The following NLGN3 variants were observed in gnomAD, a reference collection of about 807,000 sequenced individuals.
NLGN3 encodes neuroligin-3.
In NLGN3, 11 loss-of-function variants were observed where a neutral mutation model predicts 42.9. The observed-to-expected ratio is 0.26, with a 90% confidence interval of 0.16 to 0.42. NLGN3 has a LOEUF of 0.42. NLGN3 is among the 10% of genes least tolerant of loss of function. NLGN3 has a pLI of 1.00. For synonymous variants in NLGN3, 279 were observed against 312.7 expected, an observed-to-expected ratio of 0.89 and a Z score of 1.14; for missense variants, 374 against 733.8, an observed-to-expected ratio of 0.51 and a Z score of 5.67.
intron 1 of NLGN3, among the ~76,000 whole-genome samples, chrX:71,146,172 GACACACACACAC>G (rs1168453634): frequency 6.5e-4 from 25 of 38,203 alleles, no homozygotes; most frequent in South Asian, 2.3e-3. Context: ...CACACACACA[GACACACACACAC>G]ACACACACAC....
At chrX:71,150,709 AAAAAAAAAAAAAAG>A (rs1371924871) in intron 3 of NLGN3, among the ~76,000 whole-genome samples, 2 of 107,659 alleles carry the variant, frequency 1.9e-5, no homozygotes, top group Non-Finnish European at 3.8e-5. Flanking sequence ...CTCAAAAAAA[AAAAAAAAAAAAAAG>A]AAAGAAAAGA....
chrX:71,156,113 ACC>A (rs770921399), intron 5 of NLGN3, among the ~76,000 whole-genome samples: 32 of 107,854 alleles, frequency 3.0e-4, no homozygotes, highest in Non-Finnish European at 2.3e-4. Context: ...CTCACACTTT[ACC>A]CCCATATTTA....
At chrX:71,174,458 T>A (rs770692710), downstream of NLGN3, among the ~76,000 whole-genome samples, 2 of 112,028 alleles carry the variant, frequency 1.8e-5, no homozygotes, top group African/African-American at 6.5e-5. Context: ...ACATTTGATA[T>A]TGATTGAGGG....
At chrX:71,171,527 G>GC, downstream of NLGN3, 1 of 166,583 alleles carries the variant, frequency 6.0e-6, no homozygotes, top group Non-Finnish European at 9.8e-6. Flanking sequence ...CACCGCTGCG[G>GC]CCTCCTCCTC....
chrX:71,164,838 G>A (rs1424562672), intron 6 of NLGN3, among the ~76,000 whole-genome samples: 2 of 111,198 alleles, frequency 1.8e-5, no homozygotes, highest in Non-Finnish European at 3.8e-5. Flanking sequence ...TCCATAGGAC[G>A]ATGGTCTATT....
intron 5 of NLGN3, among the ~76,000 whole-genome samples, chrX:71,160,655 G>A (rs1461536199): frequency 2.7e-5 from 3 of 112,364 alleles, no homozygotes; most frequent in Non-Finnish European, 3.8e-5. Flanking sequence ...ACAAAGAAAG[G>A]GACTCCAGCA....
chrX:71,167,832 G>C, intron 7 of NLGN3, 32 bp downstream of exon 7: 1 of 1,139,018 alleles, frequency 8.8e-7, no homozygotes. Flanking sequence ...TTTCCTCTTT[G>C]AGACCCCAGC....
rs770044592 is a variant in NLGN3 at position 71,145,757 on chromosome X, C to T, written c.-201+793C>T. On this transcript the variant is annotated intron_variant, in intron 1 of 7. Coordinates refer to ENST00000358741, the MANE Select transcript of NLGN3 (RefSeq NM_181303.2). ...AGGGTTACTGGAGAGGAGGGCATCCCGAAAGGGTTAATGGAATTTGTGGGT... is the reference window on the plus strand; with the variant it reads ...AGGGTTACTGGAGAGGAGGGCATCCTGAAAGGGTTAATGGAATTTGTGGGT... 1.0e-4 allele frequency among the ~76,000 whole-genome samples: 9 copies of T among 85,902 alleles called. No individual in the cohort carries two copies. The East Asian group carries it at 2.1e-3, about 20-fold the overall frequency. The allele number at this position is 85,902 out of a possible 115,157, so 74.6% of individuals were successfully genotyped here.
At chrX:71,154,235 C>CGCAGCAGAGA (rs770239155) in intron 4 of NLGN3, among the ~76,000 whole-genome samples, 1 of 113,417 alleles carries the variant, frequency 8.8e-6, no homozygotes, top group East Asian at 2.8e-4. Flanking sequence ...CTGTTTGCTC[C>CGCAGCAGAGA]GCAGCAGAGA....
intron 4 of NLGN3, among the ~76,000 whole-genome samples, chrX:71,154,485 A>T (rs1049910171): frequency 8.9e-6 from 1 of 112,275 alleles, no homozygotes; most frequent in African/African-American, 3.2e-5. Context: ...TCCCTTGTTG[A>T]ATGGCCTCTG....
At chrX:71,169,107 G>C in intron 7 of NLGN3, 147 bp from the exon 8 acceptor site, 3 of 611,823 alleles carry the variant, frequency 4.9e-6, no homozygotes, top group Non-Finnish European at 7.9e-6. Context: ...GAAGAAGCAG[G>C]TGTGGGCAGA....
intron 5 of NLGN3, among the ~76,000 whole-genome samples, chrX:71,159,359 G>C (rs769491604): frequency 6.3e-5 from 7 of 110,984 alleles, no homozygotes; most frequent in Admixed American, 4.8e-4. Context: ...GAAAAGAAAA[G>C]AAAGAAAGAA....
rs779282938 is a variant in NLGN3 at position 71,169,591 on chromosome X, G to A, written c.2041G>A (p.Glu681Lys). Residue 681 changes from glutamate (E) to lysine (K), a missense_variant, in exon 8 of 8, where the codon GAG (glutamate) becomes AAG (lysine). Coordinates refer to ENST00000358741, the MANE Select transcript of NLGN3 (RefSeq NM_181303.2). ...RPAISPAYSN[E>K]NAQGSWNGDQ... The stretch of plus-strand genomic sequence containing the variant: ...AGCCATCTCACCTGCCTACAGCAAC[G>A]AGAATGCCCAGGGGTCCTGGAACGG... 2.5e-6 allele frequency: 3 copies of A among 1,210,513 alleles called. No individual in the cohort carries two copies. The highest frequency in any genetic ancestry group is 3.4e-6 in the Non-Finnish European group (3 of 895,136).
In NLGN3 at chrX:71,171,123, C is replaced by T; in HGVS notation, c.*1026C>T. ...AAAGTTCTTAAAACACTAACGGAAA[C>T]CCATGGAGTTTGTCCTTTGTAAAAA... On this transcript the variant is annotated 3_prime_UTR_variant, in exon 8 of 8. Coordinates refer to ENST00000358741, the MANE Select transcript of NLGN3 (RefSeq NM_181303.2). The T allele has an allele frequency of 1.3e-6, 1 of 750,156 alleles. No individual in the cohort carries two copies. The highest frequency in any genetic ancestry group is 1.6e-6 in the Non-Finnish European group (1 of 637,035). 61.8% of individuals were successfully genotyped at this position (750,156 alleles called of 1,213,427 possible). A position where few individuals can be genotyped will look rare whatever the true frequency, so the allele number is the denominator to read the frequency against.
chrX:71,170,837 A>G lies in NLGN3; in HGVS notation c.*740A>G. 2.6e-6 allele frequency: 2 copies of G among 756,508 alleles called. No homozygotes were observed. Among genetic ancestry groups the G allele is most frequent in the Non-Finnish European group, 3.1e-6 (2 of 640,495 alleles). 62.3% of individuals were successfully genotyped at this position (756,508 alleles called of 1,213,427 possible). On this transcript the variant is annotated 3_prime_UTR_variant, in exon 8 of 8. Coordinates refer to ENST00000358741, the MANE Select transcript of NLGN3 (RefSeq NM_181303.2). Reference sequence around the variant, plus strand: ...TCTCTGTGTCCGTGTGGAGGGCTGCAGAGCCTGCAGGGTGACCTGCTTCCC... The same window carrying G: ...TCTCTGTGTCCGTGTGGAGGGCTGCGGAGCCTGCAGGGTGACCTGCTTCCC...
At chrX:71,174,646 T>A (rs1239511608), downstream of NLGN3, among the ~76,000 whole-genome samples, 1 of 111,811 alleles carries the variant, frequency 8.9e-6, no homozygotes, top group East Asian at 2.8e-4. Flanking sequence ...ACAGCGTATC[T>A]AGAGTTCAAC....
intron 5 of NLGN3, among the ~76,000 whole-genome samples, chrX:71,159,871 C>A (rs1307524079): frequency 2.0e-5 from 2 of 102,393 alleles, no homozygotes; most frequent in Non-Finnish European, 3.9e-5. Flanking sequence ...ATTACAGGCG[C>A]GCACCACCAC....
In NLGN3 at chrX:71,170,417, G is replaced by A. The variant is rs2092467833; in HGVS notation, c.*320G>A. The A allele has an allele frequency of 3.1e-6, 3 of 958,375 alleles. No individual in the cohort carries two copies. The highest frequency in any genetic ancestry group is 4.8e-4 in the Middle Eastern group (1 of 2,100). The allele number at this position is 958,375 out of a possible 1,213,427, so 79.0% of individuals were successfully genotyped here. ...GAATCTGACCACAGACACTCCTGGG[G>A]GGCCTGAAAGCAACAGCTGGACACC... On this transcript the variant is annotated 3_prime_UTR_variant, in exon 8 of 8. Coordinates refer to ENST00000358741, the MANE Select transcript of NLGN3 (RefSeq NM_181303.2).
chrX:71,148,354 C>G, intron 2 of NLGN3, 148 bp downstream of exon 2: 1 of 500,603 alleles, frequency 2.0e-6, no homozygotes, highest in Non-Finnish European at 3.5e-6. Context: ...CCTCCCACCC[C>G]CCTCCCTGTT....
Sources: gnomAD v4.1 joint callset for allele counts (sites outside exome capture counted in the v4.1 genomes callset) on GRCh38, gnomAD v4.1.1 for gene constraint, MANE v1.5 for transcripts, NCBI Gene and HGNC (gene_info 2026-07-23, HGNC 2026-07-21) for gene names.